MARK3: variants seen among roughly 807,000 people sequenced by gnomAD.
MARK3 encodes microtubule affinity regulating kinase 3, also known as MAP/microtubule affinity-regulating kinase 3.
A neutral mutation model predicts 90.1 loss-of-function variants in MARK3; 46 were observed. The observed-to-expected ratio is 0.51, with a 90% CI of 0.40 to 0.65. The LOEUF (loss-of-function observed/expected upper bound fraction) is 0.65, where lower values mean the gene tolerates loss of function less well. Among genes scored for constraint, MARK3 ranks in the 30% least tolerant of loss-of-function variants. The probability of loss-of-function intolerance (pLI) is 0.00; values close to 1 mark genes in which losing one functional copy is unlikely to be tolerated. For missense variants in MARK3, 818 were observed against 947.2 expected (o/e 0.86, Z 1.79); for synonymous variants, 321 against 332.6 (o/e 0.97, Z 0.38).
intron 7 of MARK3, among the ~76,000 whole-genome samples, chr14:103,463,807 C>G (rs1164414343): frequency 1.3e-5 from 2 of 152,186 alleles, no homozygotes; most frequent in Non-Finnish European, 2.9e-5. Context: ...AACAACTCTT[C>G]ATTGGCTTCC....
At chr14:103,480,740 C>T (rs765480063) in intron 14 of MARK3, among the ~76,000 whole-genome samples, 8 of 152,112 alleles carry the variant, frequency 5.3e-5, no homozygotes, top group Non-Finnish European at 1.2e-4. Flanking sequence ...CAGGGGGTTT[C>T]CTAGAGGAAG....
chr14:103,459,866 T>G (rs1412030639), intron 6 of MARK3, among the ~76,000 whole-genome samples: 1 of 151,788 alleles, frequency 6.6e-6, no homozygotes, highest in African/African-American at 2.4e-5. Context: ...TTTGACTAAG[T>G]AAAACAAGTT....
intron 3 of MARK3, among the ~76,000 whole-genome samples, chr14:103,448,506 A>T (rs1301115835): frequency 1.3e-5 from 2 of 152,134 alleles, no homozygotes; most frequent in Non-Finnish European, 2.9e-5. Context: ...TATCAGTTTA[A>T]TATGCTTATG....
chr14:103,412,246 G>A (rs2091685485), intron 2 of MARK3: 3 of 746,388 alleles, frequency 4.0e-6, no homozygotes, highest in South Asian at 1.6e-5. Flanking sequence ...CAAGCTCATC[G>A]TCTGTCATCT....
intron 6 of MARK3, chr14:103,458,798 A>G: frequency 1.4e-6 from 1 of 708,386 alleles, no homozygotes; most frequent in South Asian, 1.5e-5. Context: ...TTACATTTGT[A>G]AGTGATAGGA....
intron 3 of MARK3, among the ~76,000 whole-genome samples, chr14:103,447,183 C>T (rs1040105496): frequency 1.3e-5 from 2 of 152,148 alleles, no homozygotes; most frequent in African/African-American, 2.4e-5. Flanking sequence ...ACCTGTGATC[C>T]TAGCACTTTG....
At chr14:103,431,949 C>T (rs1211575447) in intron 3 of MARK3, among the ~76,000 whole-genome samples, 1 of 151,984 alleles carries the variant, frequency 6.6e-6, no homozygotes, top group Non-Finnish European at 1.5e-5. Context: ...GAACAGAAGC[C>T]TACTTTATTC....
intron 2 of MARK3, chr14:103,412,563 C>A: frequency 1.5e-6 from 1 of 653,170 alleles, no homozygotes; most frequent in South Asian, 1.6e-5. Flanking sequence ...CTGCTGTTCC[C>A]CCAGGACCCA....
At chr14:103,386,594 GGGATCTTTGCGGTCCCCTTA>G (rs1490406772) in intron 1 of MARK3, among the ~76,000 whole-genome samples, 2 of 152,206 alleles carry the variant, frequency 1.3e-5, no homozygotes, top group Non-Finnish European at 2.9e-5. Flanking sequence ...TGTCCACTGA[GGGATCTTTGCGGTCCCCTTA>G]GGAATTCCAA....
intron 12 of MARK3, among the ~76,000 whole-genome samples, chr14:103,470,525 G>A (rs536451295): frequency 3.3e-5 from 4 of 122,722 alleles, no homozygotes; most frequent in East Asian, 2.8e-4. Context: ...GCGCGATCTC[G>A]GCTCACTGCA....
chr14:103,438,069 C>T (rs896292819), intron 3 of MARK3, among the ~76,000 whole-genome samples: 3 of 152,124 alleles, frequency 2.0e-5, no homozygotes, highest in Non-Finnish European at 4.4e-5. Flanking sequence ...GGCGTGATCT[C>T]GGCTAACCGC....
Position 103,503,152 on chromosome 14 carries a change from G to A in MARK3, c.2187G>A (p.Arg729=), listed in dbSNP as rs762754901. ...KLPRLSLNGV[R]FKRISGTSIA... is the part of the protein sequence containing the mutation. ...CAAGACTGTCTCTGAACGGGGTCCGGTTTAAGCGGATATCGGGGACATCCA... is the reference window on the plus strand; with the variant it reads ...CAAGACTGTCTCTGAACGGGGTCCGATTTAAGCGGATATCGGGGACATCCA... The change falls in exon 18 of 18, where the codon CGG becomes CGA. Residue 729 remains arginine (R), a synonymous_variant. Transcript: ENST00000429436. 1 of 1,614,230 alleles carries A rather than the reference G, an allele frequency of 6.2e-7. No homozygotes were observed. Among genetic ancestry groups the A allele is most frequent in the Non-Finnish European group, 8.5e-7 (1 of 1,180,046 alleles).
intron 1 of MARK3, among the ~76,000 whole-genome samples, chr14:103,390,492 G>T (rs1219910606): frequency 1.3e-5 from 2 of 152,006 alleles, no homozygotes; most frequent in African/African-American, 4.8e-5. Flanking sequence ...TAGATCAGGG[G>T]TGTCCAATCT....
chr14:103,452,052 G>T, intron 5 of MARK3, 69 bp downstream of exon 5: 1 of 981,518 alleles, frequency 1.0e-6, no homozygotes, highest in Non-Finnish European at 1.6e-6. Flanking sequence ...CAACCATACT[G>T]CCCATATGGG....
At chr14:103,487,576 A>G (rs1294894559) in intron 14 of MARK3, among the ~76,000 whole-genome samples, 1 of 152,010 alleles carries the variant, frequency 6.6e-6, no homozygotes, top group Non-Finnish European at 1.5e-5. Flanking sequence ...CACCAGGGAA[A>G]GGGTCAAACA....
intron 1 of MARK3, among the ~76,000 whole-genome samples, chr14:103,397,932 C>G (rs1234381631): frequency 1.3e-5 from 2 of 152,198 alleles, no homozygotes. Flanking sequence ...CTCTTACCCT[C>G]CACCCCACGT....
intron 3 of MARK3, among the ~76,000 whole-genome samples, chr14:103,433,906 C>A (rs1327885912): frequency 2.6e-5 from 4 of 152,130 alleles, no homozygotes; most frequent in Non-Finnish European, 5.9e-5. Flanking sequence ...CAATTCTTCC[C>A]TTTTGGTCAG....
chr14:103,441,948 A>G (rs1480643303), intron 3 of MARK3, among the ~76,000 whole-genome samples: 1 of 152,154 alleles, frequency 6.6e-6, no homozygotes, highest in East Asian at 1.9e-4. Flanking sequence ...CCCAAAATAC[A>G]TAGGTGAAAA....
Position 103,481,751 on chromosome 14 carries a change from G to T in MARK3, c.1586+1261G>T, listed in dbSNP as rs1260669407. The stretch of plus-strand genomic sequence containing the variant: ...AGTTTACAGATAATGATTGATATAG[G>T]TATTTCTTTTTTTTTTTTTTTTTTT... On this transcript the variant is annotated intron_variant, in intron 14 of 17. Transcript: ENST00000429436. Among the ~76,000 whole-genome samples the T allele has an allele frequency of 5.6e-5, 5 of 89,840 alleles. No homozygotes were observed. In the South Asian group the frequency reaches 1.9e-3, roughly 34 times the overall value. 58.9% of individuals were successfully genotyped at this position (89,840 alleles called of 152,430 possible).
Sources: allele counts gnomAD v4.1 joint callset (sites outside exome capture counted in the v4.1 genomes callset), GRCh38; gene constraint gnomAD v4.1.1; transcripts MANE v1.5; gene names NCBI Gene and HGNC (gene_info 2026-07-23, HGNC 2026-07-21).